GZMK: variants seen among roughly 807,000 people sequenced by gnomAD.
The protein encoded by GZMK is granzyme K, also known as NK-Tryp-2.
GZMK carries 18 observed loss-of-function variants against 22.8 expected under a neutral mutation model. The observed-to-expected ratio is 0.79, with a 90% CI of 0.54 to 1.17. The LOEUF is 1.17. GZMK is among the 50% of genes most tolerant of loss of function. GZMK has a pLI of 0.00. For synonymous variants in GZMK, 136 were observed against 115.0 expected (o/e 1.18, Z -1.17); for missense variants, 342 against 320.2 (o/e 1.07, Z -0.52).
chr5:55,031,845 C>A (rs914545785), intron 4 of GZMK, among the ~76,000 whole-genome samples: 2 of 152,148 alleles, frequency 1.3e-5, no homozygotes, highest in Non-Finnish European at 2.9e-5. Context: ...TTATAAGCAC[C>A]CACTAAATGT....
At position 55,033,927 on chromosome 5, in the gene GZMK, G is replaced by T. The variant is rs763284260; in HGVS notation, c.*1G>T. The T allele has an allele frequency of 1.3e-6, 2 of 1,598,316 alleles. No homozygotes were observed. The highest frequency in any genetic ancestry group is 1.7e-6 in the Non-Finnish European group (2 of 1,175,250). On this transcript the variant is annotated 3_prime_UTR_variant, in exon 5 of 5. Transcript: ENST00000231009. The stretch of plus-strand genomic sequence containing the variant: ...CCTTGTCCCGCCTCATACAAATTAA[G>T]TTACAAATAATTTTATTGGATGCAC...
Position 55,031,406 on chromosome 5 carries a change from C to G in GZMK, c.406C>G (p.His136Asp). ...AKLNKHVKML[H>D]IRSKTSLRSG... Reference sequence around the variant, plus strand: ...ACTCAATAAACATGTCAAGATGCTCCACATAAGATCCAAAACCTCTCTTAG... The same window carrying G: ...ACTCAATAAACATGTCAAGATGCTCGACATAAGATCCAAAACCTCTCTTAG... Residue 136 changes from histidine to aspartate, a missense_variant, in exon 4 of 5, where the codon CAC becomes GAC. His to Asp is a moderately conservative substitution (Grantham distance 81). Transcript: ENST00000231009. The G allele has an allele frequency of 1.2e-6, 2 of 1,613,230 alleles. No homozygotes were observed. Among genetic ancestry groups the G allele is most frequent in the Non-Finnish European group, 1.7e-6 (2 of 1,179,166 alleles).
Position 55,024,669 on chromosome 5 carries a change from T to C in GZMK, c.74T>C (p.Met25Thr), listed in dbSNP as rs1409916166. Residue 25 changes from methionine to threonine, a missense_variant, in exon 2 of 5, where the codon ATG becomes ACG. Met to Thr is a moderately conservative substitution (Grantham distance 81). Transcript: ENST00000231009. ...TGGTCTACTTTTGTAGGTTTCAATA[T>C]GGAAATTATTGGAGGGAAAGAAGTG... Reference protein sequence around the residue: ...GAYMTHVCFNMEIIGGKEVSP... With the variant: ...GAYMTHVCFNTEIIGGKEVSP... The C allele has an allele frequency of 3.7e-6, 6 of 1,606,218 alleles. No homozygotes were observed. The highest frequency in any genetic ancestry group is 1.3e-5 in the African/African-American group (1 of 74,740).
At chr5:55,024,493 C>A in intron 1 of GZMK, 107 bp downstream of exon 1, 1 of 771,674 alleles carries the variant, frequency 1.3e-6, no homozygotes, top group Non-Finnish European at 2.2e-6. Context: ...TCTTTCTGAA[C>A]TGTAATGTAT....
intron 2 of GZMK, among the ~76,000 whole-genome samples, chr5:55,029,264 A>T (rs531632900): frequency 6.6e-6 from 1 of 152,072 alleles, no homozygotes; most frequent in South Asian, 2.1e-4. Flanking sequence ...AAGAAAGCCA[A>T]AAAACAAACC....
chr5:55,029,093 G>A (rs1741181071), intron 2 of GZMK, among the ~76,000 whole-genome samples: 1 of 152,060 alleles, frequency 6.6e-6, no homozygotes, highest in Non-Finnish European at 1.5e-5. Context: ...AAATTAGCCA[G>A]GTGTGGCGGC....
At chr5:55,033,627 A>G (rs1741268195) in intron 4 of GZMK, 138 bp from the exon 5 acceptor site, 1 of 608,638 alleles carries the variant, frequency 1.6e-6, no homozygotes, top group Non-Finnish European at 2.9e-6. Flanking sequence ...AGTAAGAGGC[A>G]GTGTCAGACA....
At chr5:55,028,667 T>C (rs1450411731) in intron 2 of GZMK, 1 of 152,238 alleles carries the variant, frequency 6.6e-6, no homozygotes, top group East Asian at 1.9e-4. Flanking sequence ...TTTACTGCAA[T>C]CTACTTTGGT....
rs760367862 is a variant in GZMK at position 55,031,467 on chromosome 5, C to A, written c.467C>A (p.Ala156Asp). 5.0e-6 allele frequency: 8 copies of A among 1,613,878 alleles called. No homozygotes were observed. The highest frequency in any genetic ancestry group is 1.3e-5 in the African/African-American group (1 of 74,930). ...GTKCKVTGWG[A>D]TDPDSLRPSD... ...AAATGCAAGGTTACTGGCTGGGGAGCCACCGATCCAGATTCATTAAGACCT... is the reference window on the plus strand; with the variant it reads ...AAATGCAAGGTTACTGGCTGGGGAGACACCGATCCAGATTCATTAAGACCT... The change falls in exon 4 of 5, where the codon GCC becomes GAC. Residue 156 changes from alanine to aspartate, a missense_variant. Physicochemically the swap from Ala to Asp is moderately radical, Grantham distance 126. Coordinates refer to ENST00000231009, the MANE Select transcript of GZMK (RefSeq NM_002104.3).
Position 55,024,346 on chromosome 5 carries a change from T to A in GZMK, c.24T>A (p.Ser8=). 1 of 1,488,278 alleles carries A rather than the reference T, an allele frequency of 6.7e-7. No individual in the cohort carries two copies. Among genetic ancestry groups the A allele is most frequent in the Non-Finnish European group, 9.4e-7 (1 of 1,067,148 alleles). The allele number at this position is 1,488,278 out of a possible 1,614,324, so 92.2% of individuals were successfully genotyped here. The change falls in exon 1 of 5, where the codon TCT becomes TCA. Residue 8 remains serine, a synonymous_variant. Transcript: ENST00000231009. ...AAATGACTAAGTTTTCTTCCTTTTC[T>A]CTGTTTTTCCTAATAGTTGGGGCTT... MTKFSSF[S]LFFLIVGAYM... is the part of the protein sequence containing the mutation.
chr5:55,027,205 AG>A (rs2111609057), intron 2 of GZMK, among the ~76,000 whole-genome samples: 1 of 152,362 alleles, frequency 6.6e-6, no homozygotes, highest in Admixed American at 6.5e-5. Context: ...TAAAATGCTT[AG>A]CACAGAACAC....
At chr5:55,032,674 G>A (rs1741252915) in intron 4 of GZMK, 1 of 152,232 alleles carries the variant, frequency 6.6e-6, no homozygotes, top group Admixed American at 6.5e-5. Context: ...TGAGGCTGAA[G>A]TGAGCCGAGA....
Position 55,030,733 on chromosome 5 carries a change from C to A in GZMK, c.363+149C>A, listed in dbSNP as rs573804346. On this transcript the variant is annotated intron_variant, in intron 3 of 4. Coordinates refer to ENST00000231009, the MANE Select transcript of GZMK (RefSeq NM_002104.3). ...ATATTTTATAAGGGCCCATGTTATT[C>A]CATATACTGTCTTGAAAGAAACAAG... is the stretch of plus-strand genomic sequence containing the variant. The A allele has an allele frequency of 2.4e-5, 16 of 658,292 alleles. No homozygotes were observed. In the South Asian group the frequency reaches 2.5e-4, roughly 10 times the overall value. The allele number at this position is 658,292 out of a possible 1,614,324, so 40.8% of individuals were successfully genotyped here.
At chr5:55,028,266 G>A (rs956174589) in intron 2 of GZMK, 10 of 152,090 alleles carry the variant, frequency 6.6e-5, no homozygotes, top group African/African-American at 2.4e-4. Flanking sequence ...CCACCTTTCT[G>A]TTAGAGCATT....
At chr5:55,030,281 C>T in intron 2 of GZMK, 153 bp from the exon 3 acceptor site, 2 of 647,974 alleles carry the variant, frequency 3.1e-6, no homozygotes, top group Non-Finnish European at 5.3e-6. Context: ...TGCTGGGCTC[C>T]ACTAAGACCT....
Position 55,034,094 on chromosome 5 carries a change from A to G in GZMK, c.*168A>G, listed in dbSNP as rs144864851. The G allele has an allele frequency of 4.9e-5, 27 of 547,580 alleles. No individual in the cohort carries two copies. In the East Asian group the frequency reaches 8.2e-4, roughly 17 times the overall value. The allele number at this position is 547,580 out of a possible 1,614,324, so 33.9% of individuals were successfully genotyped here. ...TCACTTGTATCACTGATGTATTTCT[A>G]CCATGCTGGTTTTATTCTAAATAAA... is the stretch of plus-strand genomic sequence containing the variant. On this transcript the variant is annotated 3_prime_UTR_variant, in exon 5 of 5. Transcript: ENST00000231009.
intron 2 of GZMK, among the ~76,000 whole-genome samples, chr5:55,027,836 A>G (rs1482031132): frequency 6.6e-6 from 1 of 152,164 alleles, no homozygotes; most frequent in African/African-American, 2.4e-5. Flanking sequence ...AAGTCTGAAG[A>G]CTGCATTTGG....
At position 55,034,128 on chromosome 5, in the gene GZMK, G is replaced by T. The variant is rs773803068; in HGVS notation, c.*202G>T. The T allele has an allele frequency of 1.3e-4, 64 of 511,006 alleles. No individual in the cohort carries two copies. The highest frequency in any genetic ancestry group is 9.9e-4 in the Middle Eastern group (2 of 2,018). 31.7% of individuals were successfully genotyped at this position (511,006 alleles called of 1,614,324 possible). A position where few individuals can be genotyped will look rare whatever the true frequency, so the allele number is the denominator to read the frequency against. The stretch of plus-strand genomic sequence containing the variant: ...GTTTTATTCTAAATAAAATTTAGAA[G>T]ACTCTCTGTTTGTCTTTTATCACAT... On this transcript the variant is annotated 3_prime_UTR_variant, in exon 5 of 5. Coordinates refer to ENST00000231009, the MANE Select transcript of GZMK (RefSeq NM_002104.3).
At chr5:55,026,800 G>C (rs1316013310) in intron 2 of GZMK, 1 of 152,132 alleles carries the variant, frequency 6.6e-6, no homozygotes, top group Non-Finnish European at 1.5e-5. Flanking sequence ...AAAATGTCCT[G>C]TACAAACTTA....
Sources: allele counts gnomAD v4.1 joint callset (sites outside exome capture counted in the v4.1 genomes callset), GRCh38; gene constraint gnomAD v4.1.1; transcripts MANE v1.5; gene names NCBI Gene and HGNC (gene_info 2026-07-23, HGNC 2026-07-21).